TBC1D5: variants seen among roughly 807,000 people sequenced by gnomAD.
The protein encoded by TBC1D5 is TBC1 domain family, member 5.
Under a neutral mutation model 100.3 loss-of-function variants are expected in TBC1D5, and 75 were observed. That is an observed-to-expected ratio of 0.75 (90% confidence interval 0.62 to 0.91). The LOEUF (loss-of-function observed/expected upper bound fraction) is 0.91. Among genes scored for constraint, TBC1D5 ranks in the 40% least tolerant of loss-of-function variants. The pLI is 0.00. For synonymous variants in TBC1D5, 323 were observed against 325.6 expected, an observed-to-expected ratio of 0.99 and a Z score of 0.09; for missense variants, 910 against 942.4, an observed-to-expected ratio of 0.97 and a Z score of 0.45.
At chr3:17,382,563 CTTT>C (rs5846960) in intron 9 of TBC1D5, among the ~76,000 whole-genome samples, 9 of 144,308 alleles carry the variant, frequency 6.2e-5, no homozygotes, top group Non-Finnish European at 7.6e-5. Context: ...CCTTGAATAA[CTTT>C]TTTTTTTTTT....
At chr3:17,587,108 C>T (rs2096737685) in intron 2 of TBC1D5, among the ~76,000 whole-genome samples, 1 of 151,854 alleles carries the variant, frequency 6.6e-6, no homozygotes, top group African/African-American at 2.4e-5. Context: ...AATTAATTTT[C>T]ACAGCCTTTT....
chr3:17,228,469 G>A (rs937397958), intron 17 of TBC1D5, among the ~76,000 whole-genome samples: 1 of 152,152 alleles, frequency 6.6e-6, no homozygotes, highest in Non-Finnish European at 1.5e-5. Context: ...CTGGATTGTG[G>A]ATTCACAGGT....
At chr3:17,413,148 C>A (rs996175380) in intron 4 of TBC1D5, among the ~76,000 whole-genome samples, 58 of 152,244 alleles carry the variant, frequency 3.8e-4, no homozygotes, top group Non-Finnish European at 1.6e-4. Flanking sequence ...CTCTATCTTG[C>A]AGATACTTGG....
intron 4 of TBC1D5, among the ~76,000 whole-genome samples, chr3:17,421,669 C>A (rs118108518): frequency 1.3e-5 from 2 of 152,132 alleles, no homozygotes; most frequent in Non-Finnish European, 1.5e-5. Flanking sequence ...GTACTTTACA[C>A]ATTTTACAGT....
At chr3:17,176,046 T>TG (rs1274762228) in intron 19 of TBC1D5, among the ~76,000 whole-genome samples, 1 of 152,116 alleles carries the variant, frequency 6.6e-6, no homozygotes, top group Non-Finnish European at 1.5e-5. Flanking sequence ...CTGGAGAACA[T>TG]GGAGAGGCAG....
At chr3:17,334,995 C>A (rs1355487645) in intron 13 of TBC1D5, among the ~76,000 whole-genome samples, 1 of 152,006 alleles carries the variant, frequency 6.6e-6, no homozygotes, top group African/African-American at 2.4e-5. Context: ...TGTCCATGTA[C>A]CCTTTTAATC....
chr3:17,378,804 A>G (rs1249001933), intron 9 of TBC1D5, among the ~76,000 whole-genome samples: 1 of 150,732 alleles, frequency 6.6e-6, no homozygotes, highest in African/African-American at 2.4e-5. Flanking sequence ...CTTAACTGAT[A>G]TAAGTTTAAT....
At chr3:17,280,365 G>A (rs1007115256) in intron 15 of TBC1D5, among the ~76,000 whole-genome samples, 9 of 152,104 alleles carry the variant, frequency 5.9e-5, no homozygotes, top group African/African-American at 2.2e-4. Context: ...CCTTGAGCCT[G>A]GAGCTGTGGC....
chr3:17,686,047 T>G (rs2070228132), intron 1 of TBC1D5, among the ~76,000 whole-genome samples: 1 of 152,158 alleles, frequency 6.6e-6, no homozygotes, highest in Non-Finnish European at 1.5e-5. Flanking sequence ...TCCAACTTTC[T>G]CTATTGGGGC....
chr3:17,591,207 G>A (rs965820570), intron 2 of TBC1D5, among the ~76,000 whole-genome samples: 1 of 105,760 alleles, frequency 9.5e-6, no homozygotes, highest in African/African-American at 3.5e-5. Flanking sequence ...CTGTACTCCA[G>A]ACTGGGCTAC....
chr3:17,409,438 T>A (rs968139235), intron 4 of TBC1D5, among the ~76,000 whole-genome samples: 1 of 152,124 alleles, frequency 6.6e-6, no homozygotes, highest in Non-Finnish European at 1.5e-5. Flanking sequence ...AATGGCCTCG[T>A]ACTGTTCGAG....
intron 16 of TBC1D5, among the ~76,000 whole-genome samples, chr3:17,249,796 G>GA (rs199622908): frequency 0.012 from 1,878 of 152,294 alleles, 33 homozygotes; most frequent in African/African-American, 0.043. Context: ...GAAAGATGAG[G>GA]AAAGAACCAG....
chr3:17,622,157 C>A (rs1030973505), intron 2 of TBC1D5, among the ~76,000 whole-genome samples: 1 of 152,182 alleles, frequency 6.6e-6, no homozygotes, highest in Non-Finnish European at 1.5e-5. Context: ...CATCAGGCAT[C>A]AGATTCTCAT....
intron 2 of TBC1D5, among the ~76,000 whole-genome samples, chr3:17,594,688 T>C (rs1188124301): frequency 6.6e-6 from 1 of 152,222 alleles, no homozygotes; most frequent in Non-Finnish European, 1.5e-5. Context: ...ATGTTAACTA[T>C]ATGTAATAGT....
intron 17 of TBC1D5, among the ~76,000 whole-genome samples, chr3:17,225,439 CAA>C (rs35631452): frequency 1.1e-5 from 1 of 88,348 alleles, no homozygotes; most frequent in African/African-American, 4.2e-5. Flanking sequence ...GACTCGGTCT[CAA>C]AAAAAAAAAA....
chr3:17,314,027 TGCAGCTCAG>T (rs1380225553), intron 13 of TBC1D5, among the ~76,000 whole-genome samples: 1 of 152,182 alleles, frequency 6.6e-6, no homozygotes, highest in Non-Finnish European at 1.5e-5. Context: ...GACCCTGTCT[TGCAGCTCAG>T]GGTTTAGGAC....
chr3:17,646,585 T>A (rs960338979), intron 1 of TBC1D5, among the ~76,000 whole-genome samples: 41 of 152,120 alleles, frequency 2.7e-4, no homozygotes, highest in Admixed American at 2.0e-4. Flanking sequence ...ATCTTTCCAT[T>A]TTTACATCAA....
chr3:17,352,869 T>C (rs1434718217), intron 13 of TBC1D5, among the ~76,000 whole-genome samples: 2 of 152,020 alleles, frequency 1.3e-5, no homozygotes, highest in Admixed American at 1.3e-4. Flanking sequence ...CACTGAGAGC[T>C]AATACCACTC....
chr3:17,247,033 T>C (rs1308859413), intron 16 of TBC1D5, among the ~76,000 whole-genome samples: 2 of 152,220 alleles, frequency 1.3e-5, no homozygotes, highest in Non-Finnish European at 2.9e-5. Context: ...ACCTGGGTCC[T>C]GGGTCACACT....
Sources: gnomAD v4.1 joint callset for allele counts (sites outside exome capture counted in the v4.1 genomes callset) on GRCh38, gnomAD v4.1.1 for gene constraint, MANE v1.5 for transcripts, NCBI Gene and HGNC (gene_info 2026-07-23, HGNC 2026-07-21) for gene names.